Variants in NECAB1 observed in about 807,000 individuals in gnomAD.
NECAB1 encodes N-terminal EF-hand calcium binding protein 1.
A neutral mutation model predicts 57.5 loss-of-function variants in NECAB1; 29 were observed. That is an observed-to-expected ratio of 0.50 (90% confidence interval 0.38 to 0.69). The LOEUF is 0.69. Ranked by LOEUF, NECAB1 falls within the 30% of genes least tolerant of loss-of-function variation. The pLI is 0.00. For missense variants in NECAB1, 372 were observed against 413.8 expected (o/e 0.90, Z 0.88); for synonymous variants, 142 against 147.7 (o/e 0.96, Z 0.28).
At chr8:90,797,032 A>T (rs955582244) in intron 1 of NECAB1, among the ~76,000 whole-genome samples, 3 of 152,224 alleles carry the variant, frequency 2.0e-5, no homozygotes, top group Admixed American at 6.5e-5. Flanking sequence ...TCTTAGAATG[A>T]ACCAAAAGTA....
rs550904071 is a variant in NECAB1 at position 90,923,184 on chromosome 8, G to C, written c.495-2351G>C. Among the ~76,000 whole-genome samples, 21 of 152,304 alleles carry C rather than the reference G, an allele frequency of 1.4e-4. 1 individual carries two copies. The South Asian group carries it at 3.3e-3, about 24-fold the overall frequency. On this transcript the variant is annotated intron_variant, in intron 6 of 12. Transcript: ENST00000417640. ...GATATATTGTTGGAAGCTCCACCCAGTGCTATATAGTGACTGCTCCTACCC... is the reference window on the plus strand; with the variant it reads ...GATATATTGTTGGAAGCTCCACCCACTGCTATATAGTGACTGCTCCTACCC...
At chr8:90,809,234 C>G (rs1563493291) in intron 2 of NECAB1, among the ~76,000 whole-genome samples, 1 of 152,216 alleles carries the variant, frequency 6.6e-6, no homozygotes, top group Non-Finnish European at 1.5e-5. Flanking sequence ...AACCACCAAG[C>G]AACCCTTGTT....
chr8:90,847,645 C>T (rs1247830990), intron 3 of NECAB1, among the ~76,000 whole-genome samples: 1 of 152,234 alleles, frequency 6.6e-6, no homozygotes, highest in Non-Finnish European at 1.5e-5. Flanking sequence ...TTTCTTACCT[C>T]TTCTGAAATC....
rs1812810522 is a variant in NECAB1 at position 90,857,231 on chromosome 8, T to G, written c.234-14897T>G. On this transcript the variant is annotated intron_variant, in intron 3 of 12. Transcript: ENST00000417640. ...AGTGCCTAAATTTCTATGTTTTTAC[T>G]GTATGTTTGGGTAACATAAGGCATC... is the stretch of plus-strand genomic sequence containing the variant. Among the ~76,000 whole-genome samples the G allele has an allele frequency of 8.5e-5, 13 of 152,204 alleles. No individual in the cohort carries two copies. In the South Asian group the frequency reaches 2.7e-3, roughly 31 times the overall value.
intron 5 of NECAB1, among the ~76,000 whole-genome samples, chr8:90,886,279 G>A (rs754300020): frequency 8.6e-5 from 13 of 151,902 alleles, no homozygotes; most frequent in African/African-American, 1.5e-4. Context: ...ATTCCAATAG[G>A]AGTCCTACTG....
intron 5 of NECAB1, among the ~76,000 whole-genome samples, chr8:90,889,950 TGTGTGTGTGA>T (rs1466483449): frequency 2.6e-5 from 3 of 113,872 alleles, no homozygotes; most frequent in Admixed American, 1.8e-4. Flanking sequence ...CTTTTAACTG[TGTGTGTGTGA>T]GTGTGTGTGT....
At chr8:90,842,388 T>C (rs1389417529) in intron 3 of NECAB1, among the ~76,000 whole-genome samples, 1 of 152,254 alleles carries the variant, frequency 6.6e-6, no homozygotes, top group Middle Eastern at 3.4e-3. Flanking sequence ...AATTTTCCAT[T>C]GTTTCTCATT....
At chr8:90,835,886 C>G (rs920482386) in intron 3 of NECAB1, among the ~76,000 whole-genome samples, 1 of 152,176 alleles carries the variant, frequency 6.6e-6, no homozygotes, top group South Asian at 2.1e-4. Context: ...TTGCTGGTGA[C>G]TTTTAGAGTC....
chr8:90,830,570 G>C (rs748407073), intron 3 of NECAB1, among the ~76,000 whole-genome samples: 7 of 152,106 alleles, frequency 4.6e-5, no homozygotes, highest in African/African-American at 1.7e-4. Flanking sequence ...CAGGTATTCA[G>C]ACAAGCCCTG....
chr8:90,917,857 T>TAG, intron 6 of NECAB1, among the ~76,000 whole-genome samples: 1 of 88,340 alleles, frequency 1.1e-5, no homozygotes, highest in African/African-American at 9.7e-5. Context: ...TATATATATA[T>TAG]ATATATATAT....
At chr8:90,817,018 A>G (rs1488899037) in intron 2 of NECAB1, among the ~76,000 whole-genome samples, 1 of 112,070 alleles carries the variant, frequency 8.9e-6, no homozygotes, top group Non-Finnish European at 2.0e-5. Context: ...TTCTGCATTT[A>G]GAACCTTTAC....
chr8:90,900,216 T>C (rs146478882), intron 5 of NECAB1, among the ~76,000 whole-genome samples: 2,534 of 152,292 alleles, frequency 0.017, 17 homozygotes, highest in East Asian at 0.033. Context: ...TCAAGGGTCA[T>C]GTGAAATGTC....
intron 11 of NECAB1, among the ~76,000 whole-genome samples, chr8:90,950,681 C>A (rs1052276459): frequency 6.6e-6 from 1 of 152,098 alleles, no homozygotes; most frequent in East Asian, 1.9e-4. Flanking sequence ...CAAAATGACA[C>A]CAACAGTATT....
At chr8:90,863,510 G>T (rs1257579708) in intron 3 of NECAB1, among the ~76,000 whole-genome samples, 3 of 151,940 alleles carry the variant, frequency 2.0e-5, no homozygotes, top group Non-Finnish European at 4.4e-5. Flanking sequence ...ATTTTCTGAT[G>T]CTTTTGTATA....
chr8:90,816,489 A>T (rs1054270353), intron 2 of NECAB1, among the ~76,000 whole-genome samples: 1 of 151,844 alleles, frequency 6.6e-6, no homozygotes, highest in African/African-American at 2.4e-5. Flanking sequence ...TTTGAAGTTA[A>T]TTTTCGCTAT....
chr8:90,946,545 C>T (rs1250384877), intron 10 of NECAB1, among the ~76,000 whole-genome samples: 2 of 152,202 alleles, frequency 1.3e-5, no homozygotes, highest in Non-Finnish European at 2.9e-5. Context: ...ATTATAAGTA[C>T]ATTTATTATT....
intron 6 of NECAB1, among the ~76,000 whole-genome samples, 175 bp downstream of exon 6, chr8:90,917,803 A>G (rs944039722): frequency 1.5e-5 from 2 of 131,932 alleles, no homozygotes; most frequent in East Asian, 4.9e-4. Flanking sequence ...TAAAAAGACC[A>G]TTCTACTTTT....
intron 4 of NECAB1, among the ~76,000 whole-genome samples, chr8:90,879,293 A>G (rs1808794858): frequency 6.7e-6 from 1 of 150,102 alleles, no homozygotes; most frequent in Non-Finnish European, 1.5e-5. Flanking sequence ...GGCTCAAGCA[A>G]TCCTCCCACC....
intron 5 of NECAB1, among the ~76,000 whole-genome samples, chr8:90,900,261 T>C (rs1385398846): frequency 6.6e-6 from 1 of 152,224 alleles, no homozygotes; most frequent in Non-Finnish European, 1.5e-5. Context: ...TAATTCTGTG[T>C]ACTCTGAATC....
Sources: allele counts gnomAD v4.1 joint callset (sites outside exome capture counted in the v4.1 genomes callset), GRCh38; gene constraint gnomAD v4.1.1; transcripts MANE v1.5; gene names NCBI Gene and HGNC (gene_info 2026-07-23, HGNC 2026-07-21).